Variants in AKAP6 observed in about 807,000 individuals in gnomAD.
AKAP6 encodes A-kinase anchoring protein 6.
In AKAP6, 58 loss-of-function variants were observed where a neutral mutation model predicts 188.5. That is an observed-to-expected ratio of 0.31 (90% CI 0.25 to 0.38). The LOEUF is 0.38. Ranked by LOEUF, AKAP6 falls within the 10% of genes least tolerant of loss-of-function variation. AKAP6 has a pLI of 1.00. For synonymous variants in AKAP6, 989 were observed against 998.6 expected, an observed-to-expected ratio of 0.99 and a Z score of 0.18; for missense variants, 2,710 against 2,740.0, an observed-to-expected ratio of 0.99 and a Z score of 0.24.
chr14:32,525,567 G>A (rs552837434), intron 2 of AKAP6, among the ~76,000 whole-genome samples: 10 of 152,212 alleles, frequency 6.6e-5, no homozygotes, highest in Non-Finnish European at 1.2e-4. Flanking sequence ...AAATCTGCTC[G>A]CTTTTTCAGA....
At chr14:32,715,859 A>G (rs1033393363) in intron 9 of AKAP6, among the ~76,000 whole-genome samples, 4 of 151,946 alleles carry the variant, frequency 2.6e-5, no homozygotes, top group African/African-American at 7.2e-5. Flanking sequence ...TTAGTGGCAT[A>G]AAAGAGATGA....
At chr14:32,596,231 A>G (rs1467478358) in intron 5 of AKAP6, among the ~76,000 whole-genome samples, 3 of 152,058 alleles carry the variant, frequency 2.0e-5, no homozygotes, top group African/African-American at 4.8e-5. Context: ...CAAGGCGTAT[A>G]TTTCCTTGGT....
At chr14:32,405,630 G>C (rs903919262) in intron 1 of AKAP6, among the ~76,000 whole-genome samples, 2 of 152,058 alleles carry the variant, frequency 1.3e-5, no homozygotes, top group African/African-American at 2.4e-5. Flanking sequence ...AAATCCCCAC[G>C]TGTCAATGGT....
At chr14:32,539,554 T>C (rs529936765) in intron 3 of AKAP6, among the ~76,000 whole-genome samples, 2 of 152,310 alleles carry the variant, frequency 1.3e-5, no homozygotes, top group African/African-American at 4.8e-5. Context: ...AGATAATCCC[T>C]GCTTTAGATG....
chr14:32,498,876 A>G (rs1000073875), intron 2 of AKAP6, among the ~76,000 whole-genome samples: 1 of 152,148 alleles, frequency 6.6e-6, no homozygotes, highest in Non-Finnish European at 1.5e-5. Flanking sequence ...TTAATTTGTA[A>G]TCTATACTTT....
chr14:32,583,303 G>A (rs1010612087), intron 5 of AKAP6, among the ~76,000 whole-genome samples: 6 of 152,158 alleles, frequency 3.9e-5, no homozygotes, highest in East Asian at 3.9e-4. Context: ...GCAGAACAGC[G>A]GATTTTCGTG....
intron 7 of AKAP6, among the ~76,000 whole-genome samples, chr14:32,669,565 C>T (rs1289176300): frequency 1.3e-5 from 2 of 152,074 alleles, no homozygotes; most frequent in Admixed American, 1.3e-4. Context: ...AATTCTAAAT[C>T]CTGGAATGAG....
intron 7 of AKAP6, among the ~76,000 whole-genome samples, chr14:32,644,701 G>C (rs1163065608): frequency 1.3e-5 from 2 of 151,954 alleles, no homozygotes; most frequent in Non-Finnish European, 2.9e-5. Flanking sequence ...CTCTGCCTCT[G>C]TTTCCTTTTC....
intron 11 of AKAP6, among the ~76,000 whole-genome samples, chr14:32,759,666 A>G (rs1339776914): frequency 2.0e-5 from 3 of 152,208 alleles, no homozygotes; most frequent in African/African-American, 7.2e-5. Flanking sequence ...GGGAGGACTC[A>G]GGAAGTTACA....
chr14:32,379,584 A>T (rs1352001605), intron 1 of AKAP6, among the ~76,000 whole-genome samples: 1 of 150,138 alleles, frequency 6.7e-6, no homozygotes, highest in African/African-American at 2.5e-5. Context: ...TTCCCCTTTG[A>T]TCCTCTTTAA....
At chr14:32,564,135 A>C (rs1884087817) in intron 4 of AKAP6, among the ~76,000 whole-genome samples, 1 of 152,264 alleles carries the variant, frequency 6.6e-6, no homozygotes, top group African/African-American at 2.4e-5. Flanking sequence ...TGTAAATGCT[A>C]TGTAGATAGT....
intron 7 of AKAP6, among the ~76,000 whole-genome samples, chr14:32,612,292 A>G (rs1055482225): frequency 6.6e-6 from 1 of 152,192 alleles, no homozygotes; most frequent in Admixed American, 6.5e-5. Context: ...TCCTTGGGGC[A>G]GCAACTACCT....
rs574867003 is a variant in AKAP6, at chr14:32,710,916, C to T, written c.3000+14806C>T. Among the ~76,000 whole-genome samples the T allele has an allele frequency of 6.3e-4, 96 of 152,170 alleles. 2 individuals are homozygous for T. In the South Asian group the frequency reaches 0.015, roughly 24 times the overall value. On this transcript the variant is annotated intron_variant, in intron 9 of 13. Transcript: ENST00000280979. Reference sequence around the variant, plus strand: ...AAAGTTTTGTTGGAACACTGCCAGGCACATTCATTTATGAAATATCTATAT... The same window carrying T: ...AAAGTTTTGTTGGAACACTGCCAGGTACATTCATTTATGAAATATCTATAT...
intron 1 of AKAP6, among the ~76,000 whole-genome samples, chr14:32,341,665 G>A (rs1008406648): frequency 9.2e-5 from 14 of 152,116 alleles, no homozygotes; most frequent in Admixed American, 8.5e-4. Flanking sequence ...AAATGATAAT[G>A]CCTGCCTCTC....
chr14:32,500,915 C>A (rs1267835913), intron 2 of AKAP6, among the ~76,000 whole-genome samples: 3 of 152,046 alleles, frequency 2.0e-5, no homozygotes, highest in African/African-American at 7.2e-5. Flanking sequence ...ATACAGGGAA[C>A]CTTCAAATGG....
chr14:32,600,589 T>C, intron 6 of AKAP6, 40 bp from the exon 7 acceptor site: 1 of 1,556,652 alleles, frequency 6.4e-7, no homozygotes, highest in Non-Finnish European at 8.7e-7. Context: ...AAAGATTCAT[T>C]CAGGCCCACA....
chr14:32,346,062 C>G (rs1887055669), intron 1 of AKAP6, among the ~76,000 whole-genome samples: 2 of 151,638 alleles, frequency 1.3e-5, no homozygotes, highest in Non-Finnish European at 2.9e-5. Context: ...TTCATCACAC[C>G]CCAAAGGTTT....
chr14:32,782,308 T>C (rs1389841641), intron 12 of AKAP6, among the ~76,000 whole-genome samples: 1 of 148,250 alleles, frequency 6.7e-6, no homozygotes, highest in East Asian at 2.0e-4. Flanking sequence ...TCATACTCAA[T>C]AGGAAAAAAC....
intron 1 of AKAP6, among the ~76,000 whole-genome samples, chr14:32,360,067 C>A (rs1322744042): frequency 6.6e-6 from 1 of 151,950 alleles, no homozygotes; most frequent in African/African-American, 2.4e-5. Context: ...TTAAAAGCAC[C>A]ATAGTCATTA....
Sources: allele counts gnomAD v4.1 joint callset (sites outside exome capture counted in the v4.1 genomes callset), GRCh38; gene constraint gnomAD v4.1.1; transcripts MANE v1.5; gene names NCBI Gene and HGNC (gene_info 2026-07-23, HGNC 2026-07-21).